ULK4: variants seen among roughly 807,000 people sequenced by gnomAD.
The protein encoded by ULK4 is unc-51 like kinase 4.
In ULK4, 133 loss-of-function variants were observed where a neutral mutation model predicts 160.6. The observed-to-expected ratio is 0.83, with a 90% CI of 0.72 to 0.96. ULK4 has a LOEUF of 0.96. Ranked by LOEUF, ULK4 falls within the 40% of genes least tolerant of loss-of-function variation. The probability of loss-of-function intolerance (pLI) is 0.00; values close to 1 mark genes in which losing one functional copy is unlikely to be tolerated. For missense variants in ULK4, 1,580 were observed against 1,499.5 expected (o/e 1.05, Z -0.89); for synonymous variants, 534 against 539.8 (o/e 0.99, Z 0.15).
chr3:41,845,419 C>G (rs1309662800), intron 17 of ULK4, among the ~76,000 whole-genome samples: 1 of 152,142 alleles, frequency 6.6e-6, no homozygotes, highest in African/African-American at 2.4e-5. Context: ...AAGCCAACCA[C>G]CAACCACAAA....
intron 17 of ULK4, among the ~76,000 whole-genome samples, chr3:41,841,649 G>A (rs924833875): frequency 2.0e-5 from 3 of 152,218 alleles, no homozygotes; most frequent in East Asian, 3.9e-4. Context: ...AAGAGACAGC[G>A]ACCATCGAGA....
intron 31 of ULK4, among the ~76,000 whole-genome samples, chr3:41,574,183 AAAACAAAC>A (rs923442212): frequency 7.9e-5 from 12 of 152,160 alleles, no homozygotes; most frequent in Non-Finnish European, 1.3e-4. Context: ...CCGTCTCAAA[AAAACAAAC>A]AAACAAACAA....
intron 35 of ULK4, among the ~76,000 whole-genome samples, chr3:41,279,364 T>C (rs2079305323): frequency 6.7e-6 from 1 of 148,940 alleles, no homozygotes; most frequent in African/African-American, 2.5e-5. Context: ...ACGGGGAGAA[T>C]GGGACCAAGT....
intron 17 of ULK4, among the ~76,000 whole-genome samples, chr3:41,869,959 T>C (rs1300027004): frequency 1.3e-5 from 2 of 152,218 alleles, no homozygotes; most frequent in Non-Finnish European, 2.9e-5. Context: ...TTGTTGACAG[T>C]ATTTTCACAA....
At chr3:41,946,004 T>C (rs888026615) in intron 2 of ULK4, among the ~76,000 whole-genome samples, 11 of 142,382 alleles carry the variant, frequency 7.7e-5, no homozygotes, top group African/African-American at 2.7e-4. Context: ...GTCAAGATCA[T>C]GATTACCCTT....
chr3:41,523,463 C>T (rs35931515), intron 32 of ULK4, among the ~76,000 whole-genome samples: 14,653 of 151,954 alleles, frequency 0.096, 819 homozygotes, highest in Admixed American at 0.14. Context: ...GCACTTAATG[C>T]CACAAAATTG....
chr3:41,807,844 A>G (rs921321947), intron 19 of ULK4, among the ~76,000 whole-genome samples: 2 of 152,150 alleles, frequency 1.3e-5, no homozygotes, highest in African/African-American at 4.8e-5. Context: ...AAATTAACCT[A>G]ACACTTCTAG....
chr3:41,847,783 T>C (rs959973671), intron 17 of ULK4, among the ~76,000 whole-genome samples: 2 of 152,220 alleles, frequency 1.3e-5, no homozygotes, highest in Non-Finnish European at 2.9e-5. Flanking sequence ...TTCCTTTGGA[T>C]GCTGTGTATT....
At chr3:41,665,315 G>T (rs774715430) in intron 29 of ULK4, among the ~76,000 whole-genome samples, 36 of 152,224 alleles carry the variant, frequency 2.4e-4, no homozygotes, top group Non-Finnish European at 4.4e-4. Flanking sequence ...CCAATGAATT[G>T]TAAGAAGTAG....
At chr3:41,721,957 A>G (rs971591606) in intron 22 of ULK4, among the ~76,000 whole-genome samples, 6 of 152,188 alleles carry the variant, frequency 3.9e-5, no homozygotes, top group Non-Finnish European at 7.3e-5. Context: ...CAAATCTTTT[A>G]CCTTGACAAT....
rs112492534 is a variant in ULK4 at position 41,775,249 on chromosome 3, A to T, written c.2193+14412T>A. On this transcript the variant is annotated intron_variant, in intron 21 of 36. Transcript: ENST00000301831. Reference sequence around the variant, plus strand: ...AAGTAATAAAAATAAAAGAAATATAAAGATTTATATTTTTAAATAATTGTA... The same window carrying T: ...AAGTAATAAAAATAAAAGAAATATATAGATTTATATTTTTAAATAATTGTA... Among the ~76,000 whole-genome samples, 1,173 of 150,704 alleles carry T rather than the reference A, an allele frequency of 7.8e-3. 88 individuals are homozygous for T. The highest frequency in any genetic ancestry group is 0.028 in the African/African-American group (1,126 of 40,160).
chr3:41,752,840 G>C (rs771156422), intron 22 of ULK4, among the ~76,000 whole-genome samples: 1 of 152,152 alleles, frequency 6.6e-6, no homozygotes, highest in East Asian at 1.9e-4. Context: ...CCCGAAAAAA[G>C]AATTCTCTTC....
chr3:41,927,034 A>C (rs111577176), intron 5 of ULK4, among the ~76,000 whole-genome samples: 1 of 152,186 alleles, frequency 6.6e-6, no homozygotes, highest in Non-Finnish European at 1.5e-5. Context: ...AGGAACCCCA[A>C]GACACATAAT....
At chr3:41,263,261 T>G (rs2078977601) in intron 35 of ULK4, among the ~76,000 whole-genome samples, 1 of 152,262 alleles carries the variant, frequency 6.6e-6, no homozygotes, top group South Asian at 2.1e-4. Context: ...GAATGCTATA[T>G]GGGGTCATAG....
intron 17 of ULK4, among the ~76,000 whole-genome samples, chr3:41,858,816 T>C (rs113130578): frequency 4.8e-5 from 7 of 144,892 alleles, no homozygotes; most frequent in South Asian, 4.4e-4. Flanking sequence ...AAATTCTTTT[T>C]TCCCCCCCAT....
intron 31 of ULK4, among the ~76,000 whole-genome samples, chr3:41,589,251 T>C (rs1173370645): frequency 2.0e-5 from 3 of 151,956 alleles, no homozygotes; most frequent in Non-Finnish European, 2.9e-5. Flanking sequence ...CGGGAACCTA[T>C]ACAGAGTCCA....
intron 35 of ULK4, among the ~76,000 whole-genome samples, chr3:41,366,509 A>G (rs1047791000): frequency 6.6e-6 from 1 of 151,830 alleles, no homozygotes; most frequent in Non-Finnish European, 1.5e-5. Flanking sequence ...TGATTCTACA[A>G]ATGAAATGCC....
intron 16 of ULK4, among the ~76,000 whole-genome samples, chr3:41,894,443 T>G (rs1698083236): frequency 6.6e-6 from 1 of 152,178 alleles, no homozygotes; most frequent in South Asian, 2.1e-4. Context: ...CATAGAAGAA[T>G]AATTATTATC....
intron 21 of ULK4, among the ~76,000 whole-genome samples, chr3:41,773,180 T>C (rs2039465093): frequency 6.6e-6 from 1 of 152,106 alleles, no homozygotes; most frequent in South Asian, 2.1e-4. Context: ...ATGCCCTCTC[T>C]CACCACTCCT....
Sources: allele counts gnomAD v4.1 joint callset (sites outside exome capture counted in the v4.1 genomes callset), GRCh38; gene constraint gnomAD v4.1.1; transcripts MANE v1.5; gene names NCBI Gene and HGNC (gene_info 2026-07-23, HGNC 2026-07-21).